The following KLHDC10 variants were observed in gnomAD, a reference collection of about 807,000 sequenced individuals.
KLHDC10 encodes the protein kelch domain containing 10, also known as kelch domain-containing protein 10.
Under a neutral mutation model 56.1 loss-of-function variants are expected in KLHDC10, and 24 were observed. The ratio of observed to expected loss-of-function variants is 0.43; its 90% CI spans 0.31 to 0.60. KLHDC10 has a LOEUF of 0.60. Ranked by LOEUF, KLHDC10 falls within the 20% of genes least tolerant of loss-of-function variation. The pLI, the probability that KLHDC10 is intolerant of heterozygous loss-of-function variation, is 0.11. For synonymous variants in KLHDC10, 188 were observed against 207.1 expected (o/e 0.91, Z 0.79); for missense variants, 349 against 567.0 (o/e 0.62, Z 3.91).
chr7:130,126,088 A>G (rs1306581488), intron 7 of KLHDC10, among the ~76,000 whole-genome samples, 157 bp downstream of exon 7: 1 of 152,166 alleles, frequency 6.6e-6, no homozygotes, highest in African/African-American at 2.4e-5. Flanking sequence ...GCACTTTGGG[A>G]GGCCAAGGCT....
chr7:130,135,267 A>G lies in KLHDC10; in HGVS notation c.*4521A>G, dbSNP rs1796458833. The G allele has an allele frequency of 6.5e-6, 1 of 154,262 alleles. No homozygotes were observed. The highest frequency in any genetic ancestry group is 2.4e-5 in the African/African-American group (1 of 41,490). 9.6% of individuals were successfully genotyped at this position (154,262 alleles called of 1,614,324 possible). On this transcript the variant is annotated 3_prime_UTR_variant, in exon 10 of 10. Coordinates refer to ENST00000335420, the MANE Select transcript of KLHDC10 (RefSeq NM_014997.4). ...TTAGAATATAAAGGAGGCATCAGAAAACACACTCTCTAAAGCCACTTCCTT... is the reference window on the plus strand; with the variant it reads ...TTAGAATATAAAGGAGGCATCAGAAGACACACTCTCTAAAGCCACTTCCTT...
intron 1 of KLHDC10, among the ~76,000 whole-genome samples, chr7:130,080,291 T>G (rs1023932919): frequency 2.0e-5 from 3 of 152,150 alleles, no homozygotes; most frequent in African/African-American, 7.2e-5. Flanking sequence ...TAAATGGCAT[T>G]GAAGTTAAAG....
intron 2 of KLHDC10, among the ~76,000 whole-genome samples, chr7:130,109,243 A>AT (rs150245583): frequency 0.014 from 2,081 of 149,056 alleles, 43 homozygotes; most frequent in African/African-American, 0.048. Context: ...TTAAAATTTA[A>AT]TTTTTTTTAG....
At chr7:130,128,890 A>G in intron 8 of KLHDC10, among the ~76,000 whole-genome samples, 1 of 44,984 alleles carries the variant, frequency 2.2e-5, no homozygotes, top group African/African-American at 9.0e-5. Flanking sequence ...AAAAAAAAAA[A>G]TATATATATA....
chr7:130,108,556 C>CAAAAAAAAAA (rs71175086), intron 2 of KLHDC10, among the ~76,000 whole-genome samples: 1 of 85,674 alleles, frequency 1.2e-5, no homozygotes, highest in Non-Finnish European at 2.3e-5. Flanking sequence ...ACCAAATATC[C>CAAAAAAAAAA]AAAAAAAAAA....
In KLHDC10 at chr7:130,134,040, A is replaced by C. The variant is rs1796435198; in HGVS notation, c.*3294A>C. On this transcript the variant is annotated 3_prime_UTR_variant, in exon 10 of 10. Transcript: ENST00000335420. ...AAGCATATTAACATTTTTAAGCAAA[A>C]GATACGTTAACAGTGACCTTTGGTT... 1 of 152,228 alleles carries C rather than the reference A, an allele frequency of 6.6e-6. No individual in the cohort carries two copies. The allele number at this position is 152,228 out of a possible 1,614,324, so 9.4% of individuals were successfully genotyped here. A position where few individuals can be genotyped will look rare whatever the true frequency, so the allele number is the denominator to read the frequency against.
Position 130,132,028 on chromosome 7 carries a change from G to A in KLHDC10, c.*1282G>A, listed in dbSNP as rs374433521. On this transcript the variant is annotated 3_prime_UTR_variant, in exon 10 of 10. Transcript: ENST00000335420. ...AATGAAACTGAGTAGCATTCATTTT[G>A]TGTGTGTGAAATTTTAGTTCTGGTT... The A allele has an allele frequency of 2.0e-5, 3 of 151,708 alleles. No individual in the cohort carries two copies. Among genetic ancestry groups the A allele is most frequent in the African/African-American group, 7.3e-5 (3 of 41,284 alleles). The allele number at this position is 151,708 out of a possible 1,614,324, so 9.4% of individuals were successfully genotyped here.
chr7:130,104,854 G>T (rs970039433), intron 2 of KLHDC10, among the ~76,000 whole-genome samples: 2 of 152,056 alleles, frequency 1.3e-5, no homozygotes, highest in African/African-American at 4.8e-5. Context: ...TGAGAACTTC[G>T]TCCCCGTGAT....
intron 1 of KLHDC10, among the ~76,000 whole-genome samples, chr7:130,083,275 C>T (rs1388400800): frequency 6.6e-6 from 1 of 152,122 alleles, no homozygotes; most frequent in Admixed American, 6.5e-5. Context: ...AGATTCCTTC[C>T]TTTTACTCAT....
In KLHDC10 at chr7:130,116,740, C is replaced by T; in HGVS notation, c.475+74C>T. On this transcript the variant is annotated intron_variant, in intron 3 of 9. Coordinates refer to ENST00000335420, the MANE Select transcript of KLHDC10 (RefSeq NM_014997.4). The surrounding 1 kb of genome is among the most constrained non-coding windows in gnomAD (Gnocchi z 4.8). ...GCCAGGTTCAATGTCCCATATTCCT[C>T]ATTAATAATTTATAACACTATAATG... is the stretch of plus-strand genomic sequence containing the variant. 3 of 1,201,526 alleles carry T rather than the reference C, an allele frequency of 2.5e-6. No homozygotes were observed. Among genetic ancestry groups the T allele is most frequent in the Non-Finnish European group, 3.7e-6 (3 of 809,852 alleles). The allele number at this position is 1,201,526 out of a possible 1,614,324, so 74.4% of individuals were successfully genotyped here.
chr7:130,095,401 A>G (rs1795834791), intron 1 of KLHDC10, among the ~76,000 whole-genome samples: 1 of 152,150 alleles, frequency 6.6e-6, no homozygotes, highest in African/African-American at 2.4e-5. Flanking sequence ...AGGCCTTTAA[A>G]TGGAACATTT....
chr7:130,133,581 C>G lies in KLHDC10; in HGVS notation c.*2835C>G, dbSNP rs912371226. On this transcript the variant is annotated 3_prime_UTR_variant, in exon 10 of 10. Transcript: ENST00000335420. ...ATTTTCAAGTCCATGTTTTCTTACT[C>G]CAACTCTTAGAGACTCATTGTTCCT... 1.3e-5 allele frequency: 2 copies of G among 152,184 alleles called. No homozygotes were observed. Among genetic ancestry groups the G allele is most frequent in the African/African-American group, 4.8e-5 (2 of 41,442 alleles). 9.4% of individuals were successfully genotyped at this position (152,184 alleles called of 1,614,324 possible). A position where few individuals can be genotyped will look rare whatever the true frequency, so the allele number is the denominator to read the frequency against.
Position 130,129,567 on chromosome 7 carries a change from T to C in KLHDC10, c.1110T>C (p.Ala370=). The change falls in exon 9 of 10, where the codon GCT becomes GCC. Residue 370 remains alanine, a synonymous_variant. Transcript: ENST00000335420. ...MPEPVYFHCA[A]VTPAGCMYIH... is the part of the protein sequence containing the mutation. ...AGCCAGTTTATTTTCACTGTGCAGC[T>C]GTTACACCAGTAAGTTTTTATTTTC... The C allele has an allele frequency of 6.2e-7, 1 of 1,612,714 alleles. No homozygotes were observed. The highest frequency in any genetic ancestry group is 1.7e-5 in the Admixed American group (1 of 59,686).
chr7:130,091,839 C>T (rs980697417), intron 1 of KLHDC10, among the ~76,000 whole-genome samples: 1 of 152,014 alleles, frequency 6.6e-6, no homozygotes, highest in Non-Finnish European at 1.5e-5. Context: ...TTTAAAAAAA[C>T]AATCCAATTA....
intron 1 of KLHDC10, among the ~76,000 whole-genome samples, chr7:130,087,484 T>G (rs1795707369): frequency 6.6e-6 from 1 of 152,098 alleles, no homozygotes; most frequent in Admixed American, 6.6e-5. Context: ...TAAGGCATAA[T>G]AAGACTAGAT....
intron 3 of KLHDC10, among the ~76,000 whole-genome samples, chr7:130,119,741 G>A (rs1329218189): frequency 1.3e-5 from 2 of 151,472 alleles, no homozygotes; most frequent in South Asian, 2.1e-4. Context: ...CTACTAGGGA[G>A]GCTGAGGCAG....
chr7:130,089,061 G>A (rs1334973954), intron 1 of KLHDC10, among the ~76,000 whole-genome samples: 1 of 151,896 alleles, frequency 6.6e-6, no homozygotes, highest in Non-Finnish European at 1.5e-5. Context: ...TACATATAAA[G>A]TACAAATGCA....
At chr7:130,127,599 G>C (rs1796331119) in intron 8 of KLHDC10, 148 bp downstream of exon 8, 2 of 624,058 alleles carry the variant, frequency 3.2e-6, no homozygotes, top group Non-Finnish European at 5.6e-6. Context: ...TCATAGTTAT[G>C]CCTCTGTCAG....
rs60800057 is a variant in KLHDC10 at position 130,117,849 on chromosome 7, CAAAAAAAAAA to C, written c.475+1199_475+1208del. 2.6e-4 allele frequency among the ~76,000 whole-genome samples: 19 copies of C among 73,198 alleles called. 1 individual carries two copies. The highest frequency in any genetic ancestry group is 8.1e-4 in the African/African-American group (16 of 19,816). The allele number at this position is 73,198 out of a possible 152,430, so 48.0% of individuals were successfully genotyped here. ...TGGGTGACAGAGTAAGACCCTGTCT[CAAAAAAAAAA>C]AAAAAAAAAAAAAAAGAAAAAGAGG... On this transcript the variant is annotated intron_variant, in intron 3 of 9. Transcript: ENST00000335420.
Sources: gnomAD v4.1 joint callset for allele counts (sites outside exome capture counted in the v4.1 genomes callset) on GRCh38, gnomAD v4.1.1 for gene constraint, Gnocchi (gnomAD v3.1) non-coding constraint, MANE v1.5 for transcripts, NCBI Gene and HGNC (gene_info 2026-07-23, HGNC 2026-07-21) for gene names.